The following CHD9NB variants were observed in gnomAD, a reference collection of about 807,000 sequenced individuals.
CHD9NB encodes CHD9 neighbor.
chr16:53,042,456 C>T, the CHD9NB span, among the ~76,000 whole-genome samples: 1 of 150,362 alleles, frequency 6.7e-6, no homozygotes, highest in African/African-American at 2.5e-5. Context: ...CCTCTCTCCT[C>T]CCTCCTCTTC....
At chr16:53,042,091 CA>C in the CHD9NB span, among the ~76,000 whole-genome samples, 1 of 152,168 alleles carries the variant, frequency 6.6e-6, no homozygotes, top group African/African-American at 2.4e-5. Flanking sequence ...AAAAGAATCT[CA>C]ATCAGTTTCT....
chr16:53,042,307 C>T, the CHD9NB span, among the ~76,000 whole-genome samples: 17 of 149,774 alleles, frequency 1.1e-4, no homozygotes, highest in East Asian at 3.0e-3. Flanking sequence ...TTCCTCCCTC[C>T]GTCTCCCCTC....
chr16:53,051,078 AG>A, the CHD9NB span, among the ~76,000 whole-genome samples: 1 of 151,950 alleles, frequency 6.6e-6, no homozygotes, highest in African/African-American at 2.4e-5. Context: ...TAGTAGAGAC[AG>A]GGTTTCACCG....
chr16:53,043,698 G>T, the CHD9NB span: 4 of 232,776 alleles, frequency 1.7e-5, no homozygotes, highest in Non-Finnish European at 3.3e-5. Flanking sequence ...ACTGGAGCCA[G>T]AACAGTCTGC....
chr16:53,042,474 CCCTA>C, the CHD9NB span, among the ~76,000 whole-genome samples: 1 of 150,260 alleles, frequency 6.7e-6, no homozygotes, highest in East Asian at 2.0e-4. Flanking sequence ...TTCTCCCTCT[CCCTA>C]CCTCTTTCCT....
the CHD9NB span, among the ~76,000 whole-genome samples, chr16:53,040,021 G>A: frequency 6.6e-6 from 1 of 152,078 alleles, no homozygotes; most frequent in African/African-American, 2.4e-5. Flanking sequence ...CGCCCATCAA[G>A]ATAAACTCTC....
the CHD9NB span, among the ~76,000 whole-genome samples, chr16:53,037,549 T>C: frequency 6.6e-6 from 1 of 152,234 alleles, no homozygotes; most frequent in Non-Finnish European, 1.5e-5. Flanking sequence ...AGTGGGCTTT[T>C]TGTTGCTAAT....
At chr16:53,042,022 T>C in the CHD9NB span, among the ~76,000 whole-genome samples, 2,736 of 152,304 alleles carry the variant, frequency 0.018, 97 homozygotes, top group African/African-American at 0.062. Flanking sequence ...CAGGCTGAAC[T>C]GCTTTGCTTT....
the CHD9NB span, among the ~76,000 whole-genome samples, chr16:53,040,230 C>G: frequency 6.6e-6 from 1 of 152,030 alleles, no homozygotes; most frequent in Admixed American, 6.5e-5. Flanking sequence ...CCACCACACC[C>G]AGGTAATTTT....
the CHD9NB span, among the ~76,000 whole-genome samples, chr16:53,039,050 T>C: frequency 6.6e-6 from 1 of 152,102 alleles, no homozygotes; most frequent in African/African-American, 2.4e-5. Flanking sequence ...GCCTTCTAAT[T>C]GGTATTCATG....
chr16:53,038,316 C>T, the CHD9NB span, among the ~76,000 whole-genome samples: 2 of 152,174 alleles, frequency 1.3e-5, no homozygotes. Flanking sequence ...CTGGGCATCC[C>T]TTAGCCAAGT....
the CHD9NB span, among the ~76,000 whole-genome samples, chr16:53,052,525 G>A: frequency 1.3e-5 from 2 of 152,212 alleles, no homozygotes; most frequent in African/African-American, 4.8e-5. Flanking sequence ...GAAACACTGT[G>A]ATTAGCAGAA....
chr16:53,042,317 C>G, the CHD9NB span, among the ~76,000 whole-genome samples: 1 of 146,782 alleles, frequency 6.8e-6, no homozygotes, highest in South Asian at 2.2e-4. Context: ...CGTCTCCCCT[C>G]TCCTTCTCTC....
the CHD9NB span, among the ~76,000 whole-genome samples, chr16:53,037,405 T>C: frequency 6.6e-6 from 1 of 152,192 alleles, no homozygotes; most frequent in Non-Finnish European, 1.5e-5. Flanking sequence ...TTAACAAGGA[T>C]TTTTTTTCCT....
the CHD9NB span, among the ~76,000 whole-genome samples, chr16:53,041,658 G>C: frequency 1.8e-4 from 27 of 152,082 alleles, no homozygotes; most frequent in Non-Finnish European, 2.9e-4. Context: ...CTCACCACCA[G>C]CTGCGAACTC....
chr16:53,049,322 T>TTGTG, the CHD9NB span, among the ~76,000 whole-genome samples: 2,271 of 144,970 alleles, frequency 0.016, 56 homozygotes, highest in African/African-American at 0.048. Context: ...CCCCCAGCTG[T>TTGTG]TGTGTGTGTG....
the CHD9NB span, among the ~76,000 whole-genome samples, chr16:53,037,530 G>T: frequency 6.6e-6 from 1 of 152,198 alleles, no homozygotes; most frequent in African/African-American, 2.4e-5. Context: ...AGGGAGTGTG[G>T]AAGGTCCTAG....
At chr16:53,051,898 G>A in the CHD9NB span, among the ~76,000 whole-genome samples, 1 of 150,094 alleles carries the variant, frequency 6.7e-6, no homozygotes, top group South Asian at 2.1e-4. Flanking sequence ...GAGGTGTTCA[G>A]GGCATGTGCC....
the CHD9NB span, among the ~76,000 whole-genome samples, chr16:53,045,885 C>A: frequency 6.6e-6 from 1 of 152,270 alleles, no homozygotes; most frequent in East Asian, 1.9e-4. Context: ...GGCTCCAGAG[C>A]CTGTGATCTT....
Sources: allele counts gnomAD v4.1 joint callset (sites outside exome capture counted in the v4.1 genomes callset), GRCh38; gene constraint gnomAD v4.1.1; transcripts MANE v1.5; gene names NCBI Gene and HGNC (gene_info 2026-07-23, HGNC 2026-07-21).